Variants in ZMYND10 observed in about 807,000 individuals in gnomAD.
ZMYND10 encodes the protein zinc finger MYND domain-containing protein 10.
Under a neutral mutation model 62.6 loss-of-function variants are expected in ZMYND10, and 52 were observed. The observed-to-expected ratio is 0.83, with a 90% CI of 0.67 to 1.05. The LOEUF (loss-of-function observed/expected upper bound fraction) is 1.05. Ranked by LOEUF, ZMYND10 falls within the 50% of genes least tolerant of loss-of-function variation. The pLI is 0.00. For synonymous variants in ZMYND10, 197 were observed against 218.5 expected, an observed-to-expected ratio of 0.90 and a Z score of 0.87; for missense variants, 438 against 543.3, an observed-to-expected ratio of 0.81 and a Z score of 1.93.
Position 50,343,552 on chromosome 3 carries a change from T to C in ZMYND10, c.372+11A>G. 1 of 1,614,156 alleles carries C rather than the reference T, an allele frequency of 6.2e-7. No individual in the cohort carries two copies. The highest frequency in any genetic ancestry group is 8.5e-7 in the Non-Finnish European group (1 of 1,180,034). On this transcript the variant is annotated intron_variant, in intron 4 of 11. Coordinates refer to ENST00000231749, the MANE Select transcript of ZMYND10 (RefSeq NM_015896.4). ...CGGAACTGTGGCCCATGGGCAGAGA[T>C]AGTCCCTCACCTTGTGGAAGAACAC...
In ZMYND10 at chr3:50,341,329, G is replaced by A. The variant is rs1703363642; in HGVS notation, c.*81C>T. 1.3e-6 allele frequency: 2 copies of A among 1,551,186 alleles called. No individual in the cohort carries two copies. The highest frequency in any genetic ancestry group is 1.7e-5 in the Admixed American group (1 of 58,784). ...GGAGACTGGGGCTCCGGCAGAGGCT[G>A]GACCGTGATCTTGAGGTTCAGGGGT... On this transcript the variant is annotated 3_prime_UTR_variant, in exon 12 of 12. Transcript: ENST00000231749.
chr3:50,341,299 A>T lies in ZMYND10; in HGVS notation c.*111T>A. The T allele has an allele frequency of 7.5e-7, 1 of 1,338,936 alleles. No individual in the cohort carries two copies. The highest frequency in any genetic ancestry group is 1.0e-6 in the Non-Finnish European group (1 of 959,130). The allele number at this position is 1,338,936 out of a possible 1,614,324, so 82.9% of individuals were successfully genotyped here. The stretch of plus-strand genomic sequence containing the variant: ...AGCTTTACCGCCCGCTCTGCTCTCC[A>T]CTGCGGAGACTGGGGCTCCGGCAGA... On this transcript the variant is annotated 3_prime_UTR_variant, in exon 12 of 12. Coordinates refer to ENST00000231749, the MANE Select transcript of ZMYND10 (RefSeq NM_015896.4).
At position 50,343,776 on chromosome 3, in the gene ZMYND10, C is replaced by A. The variant is rs749660773; in HGVS notation, c.276G>T (p.Val92=). ...KQKVFPVFCR[V]EDFKPQNTFP... is the part of the protein sequence containing the mutation. ...AGGTGTTCTGGGGCTTGAAGTCCTC[C>A]ACCCTGCAGAACACAGGGAACACCT... The change falls in exon 3 of 12, where the codon GTG becomes GTT. Residue 92 remains valine (V), a synonymous_variant. Transcript: ENST00000231749. The A allele has an allele frequency of 1.1e-5, 17 of 1,614,092 alleles. No homozygotes were observed. The highest frequency in any genetic ancestry group is 1.4e-5 in the Non-Finnish European group (16 of 1,180,040).
At chr3:50,343,465 AC>A (rs773436227) in intron 4 of ZMYND10, 21 bp from the exon 5 acceptor site, 1 of 1,612,348 alleles carries the variant, frequency 6.2e-7, no homozygotes, top group African/African-American at 1.3e-5. Flanking sequence ...GAGGAGGGAA[AC>A]TTTCTGTGTC....
chr3:50,343,292 G>A lies in ZMYND10; in HGVS notation c.510+15C>T, dbSNP rs1575554910. 6.2e-7 allele frequency: 1 copy of A among 1,612,814 alleles called. No homozygotes were observed. Among genetic ancestry groups the A allele is most frequent in the South Asian group, 1.1e-5 (1 of 90,948 alleles). ...CAGACCTAGGCTTTCACAACCCTAG[G>A]TAACCTCAACCCACCTGCATGGGGT... On this transcript the variant is annotated intron_variant, in intron 5 of 11. Transcript: ENST00000231749.
Position 50,342,077 on chromosome 3 carries a change from A to C in ZMYND10, c.937T>G (p.Phe313Val). The C allele has an allele frequency of 6.2e-7, 1 of 1,614,014 alleles. No homozygotes were observed. The highest frequency in any genetic ancestry group is 1.1e-5 in the South Asian group (1 of 91,078). ...TCAGTTAGGGTCAGATGGGCCAGGA[A>C]ACTCTGCAAGTGGGCCAGGTTGGGC... ...QLPNLAHLQS[F>V]LAHLTLTETQ... is the part of the protein sequence containing the mutation. The change falls in exon 9 of 12, where the codon TTC becomes GTC. Residue 313 changes from phenylalanine to valine, a missense_variant. Physicochemically the swap from Phe to Val is conservative, Grantham distance 50. Transcript: ENST00000231749.
In ZMYND10 at chr3:50,341,267, G is replaced by C. The variant is rs114162107; in HGVS notation, c.*143C>G. ...ACTTGGGGTGAGGAGGAGGGAGATC[G>C]GTCAGCAGCTTTACCGCCCGCTCTG... On this transcript the variant is annotated 3_prime_UTR_variant, in exon 12 of 12. Coordinates refer to ENST00000231749, the MANE Select transcript of ZMYND10 (RefSeq NM_015896.4). 1 of 994,336 alleles carries C rather than the reference G, an allele frequency of 1.0e-6. No individual in the cohort carries two copies. The highest frequency in any genetic ancestry group is 1.5e-6 in the Non-Finnish European group (1 of 672,844). The allele number at this position is 994,336 out of a possible 1,614,324, so 61.6% of individuals were successfully genotyped here.
Position 50,341,193 on chromosome 3 carries a change from C to A in ZMYND10, c.*217G>T. ...GCCCTCCTGGTCCGGTTTGCTGAAGCAACACACTTGGCCTACCCACTGGGT... is the reference window on the plus strand; with the variant it reads ...GCCCTCCTGGTCCGGTTTGCTGAAGAAACACACTTGGCCTACCCACTGGGT... On this transcript the variant is annotated 3_prime_UTR_variant, in exon 12 of 12. Transcript: ENST00000231749. 1.5e-6 allele frequency: 1 copy of A among 649,794 alleles called. No homozygotes were observed. The highest frequency in any genetic ancestry group is 2.6e-6 in the Non-Finnish European group (1 of 381,464). The allele number at this position is 649,794 out of a possible 1,614,324, so 40.3% of individuals were successfully genotyped here.
At position 50,341,345 on chromosome 3, in the gene ZMYND10, G is replaced by T; in HGVS notation, c.*65C>A. 2 of 1,590,112 alleles carry T rather than the reference G, an allele frequency of 1.3e-6. No homozygotes were observed. Among genetic ancestry groups the T allele is most frequent in the Non-Finnish European group, 1.7e-6 (2 of 1,163,494 alleles). ...GCAGAGGCTGGACCGTGATCTTGAGGTTCAGGGGTGCATTCTGGGTGGATT... is the reference window on the plus strand; with the variant it reads ...GCAGAGGCTGGACCGTGATCTTGAGTTTCAGGGGTGCATTCTGGGTGGATT... On this transcript the variant is annotated 3_prime_UTR_variant, in exon 12 of 12. Coordinates refer to ENST00000231749, the MANE Select transcript of ZMYND10 (RefSeq NM_015896.4).
chr3:50,341,531 T>C, intron 11 of ZMYND10, 43 bp downstream of exon 11: 1 of 1,614,208 alleles, frequency 6.2e-7, no homozygotes, highest in Non-Finnish European at 8.5e-7. Flanking sequence ...GTGGGGGATG[T>C]GGGAGTAGGG....
chr3:50,341,820 G>T lies in ZMYND10; in HGVS notation c.1111C>A (p.Gln371Lys). Residue 371 changes from glutamine to lysine, a missense_variant, in exon 10 of 12, where the codon CAG becomes AAG. By Grantham distance (53) the Gln-to-Lys change is moderately conservative. Transcript: ENST00000231749. ...TTCCACAGGCCTTACCTTCGCGCCT[G>T]CAGCCGCAGGTCCTGCTCTGAGGGG... ...FSPSEQDLRLQARRWAETYRL... is the reference protein window; with the variant it reads ...FSPSEQDLRLKARRWAETYRL... 6.2e-7 allele frequency: 1 copy of T among 1,613,962 alleles called. No homozygotes were observed. The highest frequency in any genetic ancestry group is 8.5e-7 in the Non-Finnish European group (1 of 1,179,954).
chr3:50,343,933 C>T, intron 2 of ZMYND10, 83 bp from the exon 3 acceptor site: 1 of 1,237,382 alleles, frequency 8.1e-7, no homozygotes, highest in African/African-American at 1.5e-5. Flanking sequence ...CAGCTCAACC[C>T]TGATATCCCC....
intron 2 of ZMYND10, chr3:50,344,919 A>G (rs1399056469): frequency 1.3e-5 from 7 of 547,442 alleles, no homozygotes; most frequent in Admixed American, 3.1e-5. Flanking sequence ...TTTCTCCCTA[A>G]TCAACTCATG....
Position 50,345,701 on chromosome 3 carries a change from A to G in ZMYND10, c.-122T>C. On this transcript the variant is annotated 5_prime_UTR_variant, in exon 1 of 12. Transcript: ENST00000231749. The surrounding 1 kb of genome is among the most constrained non-coding windows in gnomAD (Gnocchi z 5.0). ...CAGGACAGTTGCGGGACGGTTGGGG[A>G]GCGTCAGTTCTCGCAGCCATGGAAA... 2.0e-6 allele frequency: 3 copies of G among 1,489,914 alleles called. No individual in the cohort carries two copies. Among genetic ancestry groups the G allele is most frequent in the Non-Finnish European group, 2.7e-6 (3 of 1,117,196 alleles). 92.3% of individuals were successfully genotyped at this position (1,489,914 alleles called of 1,614,324 possible). A position where few individuals can be genotyped will look rare whatever the true frequency, so the allele number is the denominator to read the frequency against.
Position 50,345,479 on chromosome 3 carries a change from G to A in ZMYND10, c.92+9C>T, listed in dbSNP as rs1406545410. On this transcript the variant is annotated intron_variant, in intron 1 of 11. Transcript: ENST00000231749. This position sits in a 1 kb window ranked among gnomAD's most constrained non-coding sequence, Gnocchi z 5.0. ...GACTCCGGGACTCCGCCTGACCCGG[G>A]TGCCTCACCCTTCGGAGCCCATCTC... 2 of 1,592,324 alleles carry A rather than the reference G, an allele frequency of 1.3e-6. No individual in the cohort carries two copies. Among genetic ancestry groups the A allele is most frequent in the South Asian group, 2.3e-5 (2 of 87,574 alleles).
chr3:50,344,612 C>G (rs1703485727), intron 2 of ZMYND10, among the ~76,000 whole-genome samples: 1 of 145,162 alleles, frequency 6.9e-6, no homozygotes, highest in South Asian at 2.1e-4. Flanking sequence ...AGCTACCATG[C>G]CCGGCTTTTT....
chr3:50,345,227 T>A lies in ZMYND10; in HGVS notation c.98A>T (p.Asn33Ile), dbSNP rs1311921150. ...PLREMGSEGW[N>I]QQHENLEKLN... ...CTTCTCCAGGTTCTCATGCTGCTGGTTCCACCTGCCTCAGAGGGTAAGTGC... is the reference window on the plus strand; with the variant it reads ...CTTCTCCAGGTTCTCATGCTGCTGGATCCACCTGCCTCAGAGGGTAAGTGC... The change falls in exon 2 of 12, where the codon AAC becomes ATC. Residue 33 changes from asparagine to isoleucine, a missense_variant. Physicochemically the swap from Asn to Ile is moderately radical, Grantham distance 149. Coordinates refer to ENST00000231749, the MANE Select transcript of ZMYND10 (RefSeq NM_015896.4). This position sits in a 1 kb window ranked among gnomAD's most constrained non-coding sequence, Gnocchi z 5.0. The A allele has an allele frequency of 2.5e-6, 4 of 1,613,442 alleles. No homozygotes were observed. Among genetic ancestry groups the A allele is most frequent in the Middle Eastern group, 3.3e-4 (2 of 6,084 alleles).
At position 50,343,106 on chromosome 3, in the gene ZMYND10, C is replaced by T. The variant is rs755388041; in HGVS notation, c.599+12G>A. 1.1e-5 allele frequency: 18 copies of T among 1,614,008 alleles called. No homozygotes were observed. The highest frequency in any genetic ancestry group is 1.6e-4 in the Middle Eastern group (1 of 6,082). On this transcript the variant is annotated intron_variant, in intron 6 of 11. Coordinates refer to ENST00000231749, the MANE Select transcript of ZMYND10 (RefSeq NM_015896.4). ...CCTCCACAGTAGGCCCAGGCCCAGT[C>T]GGACTGCTCACCTGTCCACACAGTC... is the stretch of plus-strand genomic sequence containing the variant.
Position 50,345,364 on chromosome 3 carries a change from C to T in ZMYND10, c.92+124G>A. The T allele has an allele frequency of 5.3e-6, 8 of 1,499,436 alleles. No individual in the cohort carries two copies. The highest frequency in any genetic ancestry group is 2.0e-5 in the Admixed American group (1 of 49,548). 92.9% of individuals were successfully genotyped at this position (1,499,436 alleles called of 1,614,324 possible). ...CTCAGGAGCAGTAATACTCCTGTCT[C>T]GGAACGCTCTGCTCCCCCATTTGGG... is the stretch of plus-strand genomic sequence containing the variant. On this transcript the variant is annotated intron_variant, in intron 1 of 11. Transcript: ENST00000231749. This position sits in a 1 kb window ranked among gnomAD's most constrained non-coding sequence, Gnocchi z 5.0.
Sources: allele counts gnomAD v4.1 joint callset (sites outside exome capture counted in the v4.1 genomes callset), GRCh38; gene constraint gnomAD v4.1.1; non-coding constraint Gnocchi (gnomAD v3.1); transcripts MANE v1.5; gene names NCBI Gene and HGNC (gene_info 2026-07-23, HGNC 2026-07-21).